Variants in PRDM11 observed in about 807,000 individuals in gnomAD.
The protein encoded by PRDM11 is PR/SET domain 11.
A neutral mutation model predicts 97.8 loss-of-function variants in PRDM11; 20 were observed. The observed-to-expected ratio is 0.20, with a 90% CI of 0.14 to 0.30. The LOEUF is 0.30. Ranked by LOEUF, PRDM11 falls within the 10% of genes least tolerant of loss-of-function variation. PRDM11 has a pLI of 1.00. For missense variants in PRDM11, 1,139 were observed against 1,555.2 expected, an observed-to-expected ratio of 0.73 and a Z score of 4.50; for synonymous variants, 599 against 637.7, an observed-to-expected ratio of 0.94 and a Z score of 0.91.
intron 5 of PRDM11, chr11:45,212,473 T>A (rs1232997654): frequency 5.0e-6 from 2 of 396,552 alleles, no homozygotes; most frequent in Non-Finnish European, 1.0e-5. Flanking sequence ...CCCAAGATGA[T>A]GAAGATGAGG....
chr11:45,209,159 TGGG>T (rs1853622121), intron 5 of PRDM11: 4 of 454,286 alleles, frequency 8.8e-6, no homozygotes, highest in African/African-American at 8.0e-5. Flanking sequence ...TGTCGGGCCC[TGGG>T]GCCGGGGGCC....
intron 1 of PRDM11, among the ~76,000 whole-genome samples, chr11:45,132,044 C>T (rs1852733154): frequency 6.6e-6 from 1 of 152,136 alleles, no homozygotes; most frequent in Admixed American, 6.5e-5. Flanking sequence ...CCTCTAAGAG[C>T]AAGGAAAACA....
intron 1 of PRDM11, among the ~76,000 whole-genome samples, chr11:45,141,329 C>A (rs1851400365): frequency 6.6e-6 from 1 of 152,180 alleles, no homozygotes; most frequent in Non-Finnish European, 1.5e-5. Context: ...CACACTGTAC[C>A]AGGGTTGGTC....
chr11:45,214,413 C>T (rs1187018775), intron 5 of PRDM11: 2 of 152,258 alleles, frequency 1.3e-5, no homozygotes, highest in Non-Finnish European at 2.9e-5. Context: ...ATCCTGCCCC[C>T]AGCCATAGTG....
rs79393340 is a variant in PRDM11 at position 45,122,155 on chromosome 11, T to C, written c.96+26254T>C. On this transcript the variant is annotated intron_variant, in intron 1 of 6. Coordinates refer to the PRDM11 transcript ENST00000530656. ...TAGGCCTTTAAATAAGTAAATAAAA[T>C]GTATAAACCCCTACTAAGAAGAGAG... Among the ~76,000 whole-genome samples the C allele has an allele frequency of 3.7e-3, 547 of 149,390 alleles. 5 individuals carry two copies. Among genetic ancestry groups the C allele is most frequent in the South Asian group, 0.023 (108 of 4,688 alleles).
intron 1 of PRDM11, among the ~76,000 whole-genome samples, chr11:45,129,228 T>C (rs1031573612): frequency 6.6e-6 from 1 of 152,198 alleles, no homozygotes; most frequent in Non-Finnish European, 1.5e-5. Flanking sequence ...ATGCTTTTCC[T>C]CTGAGGTTAG....
intron 1 of PRDM11, among the ~76,000 whole-genome samples, chr11:45,173,622 C>CAAA (rs1163035481): frequency 2.8e-4 from 19 of 68,366 alleles, no homozygotes; most frequent in African/African-American, 7.9e-4. Flanking sequence ...AACACCGCGT[C>CAAA]AAAAAAAAAA....
intron 1 of PRDM11, among the ~76,000 whole-genome samples, chr11:45,135,186 T>G (rs2135655626): frequency 6.6e-6 from 1 of 152,272 alleles, no homozygotes; most frequent in South Asian, 2.1e-4. Context: ...ATTTCTAGAA[T>G]GTAATGAGAT....
chr11:45,224,954 G>A (rs775958697), intron 7 of PRDM11, 111 bp downstream of exon 7: 5 of 1,572,012 alleles, frequency 3.2e-6, no homozygotes. Flanking sequence ...CCTGAGGAGT[G>A]TAACGTGGAG....
chr11:45,101,001 T>A (rs1324303821), intron 1 of PRDM11, among the ~76,000 whole-genome samples: 1 of 152,182 alleles, frequency 6.6e-6, no homozygotes, highest in East Asian at 1.9e-4. Flanking sequence ...TCCAGAGTCT[T>A]CCAACAGAGG....
intron 1 of PRDM11, among the ~76,000 whole-genome samples, chr11:45,099,834 A>G (rs1475699323): frequency 6.6e-6 from 1 of 152,192 alleles, no homozygotes; most frequent in Non-Finnish European, 1.5e-5. Context: ...TAGACTGCCA[A>G]TTCTGAAGCT....
chr11:45,158,873 C>G (rs1230973797), intron 1 of PRDM11, among the ~76,000 whole-genome samples: 1 of 152,184 alleles, frequency 6.6e-6, no homozygotes, highest in Non-Finnish European at 1.5e-5. Flanking sequence ...ACCTCCTAAT[C>G]AAATCCTCCA....
At chr11:45,131,560 T>C (rs548644012) in intron 1 of PRDM11, among the ~76,000 whole-genome samples, 1 of 152,334 alleles carries the variant, frequency 6.6e-6, no homozygotes, top group African/African-American at 2.4e-5. Context: ...CAAAGATTTG[T>C]GCAGGGTGTT....
In PRDM11 at chr11:45,231,084, G is replaced by A. The variant is rs1854390598; in HGVS notation, c.*2925G>A. The A allele has an allele frequency of 6.6e-6, 1 of 152,240 alleles. No homozygotes were observed. Among genetic ancestry groups the A allele is most frequent in the South Asian group, 2.1e-4 (1 of 4,836 alleles). The allele number at this position is 152,240 out of a possible 1,614,324, so 9.4% of individuals were successfully genotyped here. A position where few individuals can be genotyped will look rare whatever the true frequency, so the allele number is the denominator to read the frequency against. ...TAGGTTAGGGCATCCCTAAAACTCT[G>A]GGTGCTTGTGGCTTCTGCTGAATTT... On this transcript the variant is annotated 3_prime_UTR_variant, in exon 8 of 8. Transcript: ENST00000683152.
intron 1 of PRDM11, among the ~76,000 whole-genome samples, chr11:45,130,124 A>T (rs1389696977): frequency 6.6e-6 from 1 of 152,118 alleles, no homozygotes; most frequent in East Asian, 1.9e-4. Flanking sequence ...CACCAAAATT[A>T]ATTTGAAATG....
At position 45,116,277 on chromosome 11, in the gene PRDM11, A is replaced by T. The variant is rs75289724; in HGVS notation, c.96+20376A>T. On this transcript the variant is annotated intron_variant, in intron 1 of 6. Transcript: ENST00000530656. ...TAAGGTATAGAAGATTATGAATAAC[A>T]CTATAAAGTGCTTTGATTTAACACC... Among the ~76,000 whole-genome samples, 268 of 152,332 alleles carry T rather than the reference A, an allele frequency of 1.8e-3. 8 individuals are homozygous for T. In the East Asian group the frequency reaches 0.047, roughly 27 times the overall value.
chr11:45,224,938 G>A (rs765610202), intron 7 of PRDM11, 95 bp downstream of exon 7: 75 of 1,593,134 alleles, frequency 4.7e-5, no homozygotes, highest in Admixed American at 1.8e-4. Context: ...ACCACCTTCC[G>A]GGAGACCTGA....
rs538617399 is a variant in PRDM11, at chr11:45,212,799, G to A, written c.555-6771G>A. On this transcript the variant is annotated intron_variant, in intron 5 of 7. Coordinates refer to ENST00000683152, the MANE Select transcript of PRDM11 (RefSeq NM_001384648.1). The stretch of plus-strand genomic sequence containing the variant: ...ACCGTGCACCGGGACATGGCCAACA[G>A]CATGCACGTCATCGGCCAGGCCATG... 2.1e-4 allele frequency: 98 copies of A among 456,106 alleles called. 2 individuals are homozygous for A. The highest frequency in any genetic ancestry group is 1.1e-3 in the South Asian group (71 of 64,514). The allele number at this position is 456,106 out of a possible 1,614,324, so 28.3% of individuals were successfully genotyped here. A position where few individuals can be genotyped will look rare whatever the true frequency, so the allele number is the denominator to read the frequency against.
chr11:45,150,749 G>T (rs1851639576), intron 1 of PRDM11, among the ~76,000 whole-genome samples: 1 of 152,222 alleles, frequency 6.6e-6, no homozygotes, highest in South Asian at 2.1e-4. Flanking sequence ...ATTCAGTGAA[G>T]GGGCTGCAGA....
Sources: gnomAD v4.1 joint callset for allele counts (sites outside exome capture counted in the v4.1 genomes callset) on GRCh38, gnomAD v4.1.1 for gene constraint, MANE v1.5 for transcripts, NCBI Gene and HGNC (gene_info 2026-07-23, HGNC 2026-07-21) for gene names.